The following NEXMIF variants were observed in gnomAD, a reference collection of about 807,000 sequenced individuals.
The protein encoded by NEXMIF is XLMR protein related to neurite extension.
Under a neutral mutation model 62.1 loss-of-function variants are expected in NEXMIF, and 8 were observed. That is an observed-to-expected ratio of 0.13 (90% CI 0.08 to 0.23). The LOEUF is 0.23. Among genes scored for constraint, NEXMIF ranks in the 10% least tolerant of loss-of-function variants. The pLI, the probability that NEXMIF is intolerant of heterozygous loss-of-function variation, is 1.00. For missense variants in NEXMIF, 976 were observed against 1,113.3 expected, an observed-to-expected ratio of 0.88 and a Z score of 1.75; for synonymous variants, 404 against 416.6, an observed-to-expected ratio of 0.97 and a Z score of 0.37.
At position 74,739,408 on chromosome X, in the gene NEXMIF, A is replaced by G; in HGVS notation, c.4548T>C (p.Ile1516=). 1 of 1,190,387 alleles carries G rather than the reference A, an allele frequency of 8.4e-7. No individual in the cohort carries two copies. Among genetic ancestry groups the G allele is most frequent in the South Asian group, 1.8e-5 (1 of 54,178 alleles). ...EEETRIFQKD[I] is the part of the protein sequence containing the mutation. ...TGAAAGAAATAAAACACAAACATCA[A>G]ATGTCTTTCTGGAAAATGCGAGTCT... Residue 1516 remains isoleucine, a synonymous_variant, in exon 4 of 4, where the codon ATT becomes ATC. Coordinates refer to ENST00000055682, the MANE Select transcript of NEXMIF (RefSeq NM_001008537.3).
intron 1 of NEXMIF, among the ~76,000 whole-genome samples, chrX:74,860,062 T>G (rs2080551482): frequency 9.0e-6 from 1 of 111,123 alleles, no homozygotes; most frequent in South Asian, 3.8e-4. Flanking sequence ...TGACTGTAAA[T>G]GGACTAATCT....
intron 1 of NEXMIF, among the ~76,000 whole-genome samples, chrX:74,814,111 T>A (rs781080483): frequency 1.3e-4 from 14 of 111,583 alleles, no homozygotes; most frequent in Non-Finnish European, 2.6e-4. Context: ...GAACTGGTAC[T>A]GCCAGGATAT....
chrX:74,874,844 G>T (rs1488381410), intron 1 of NEXMIF, among the ~76,000 whole-genome samples: 1 of 104,191 alleles, frequency 9.6e-6, no homozygotes, highest in Admixed American at 1.1e-4. Flanking sequence ...CATTGATTTT[G>T]TATCCTGAGA....
chrX:74,750,863 C>T (rs1006145463), intron 1 of NEXMIF, among the ~76,000 whole-genome samples: 2 of 111,700 alleles, frequency 1.8e-5, no homozygotes, highest in African/African-American at 6.5e-5. Context: ...TACAGCTACA[C>T]TGTAAAGAAT....
intron 1 of NEXMIF, among the ~76,000 whole-genome samples, chrX:74,799,321 C>T (rs1386468571): frequency 1.8e-5 from 2 of 111,375 alleles, no homozygotes; most frequent in African/African-American, 6.5e-5. Flanking sequence ...CAGTGAGTCC[C>T]CTGACTCATT....
Position 74,744,262 on chromosome X carries a change from T to C in NEXMIF, c.295A>G (p.Ile99Val), listed in dbSNP as rs1354077425. The C allele has an allele frequency of 8.3e-7, 1 of 1,211,394 alleles. No individual in the cohort carries two copies. Among genetic ancestry groups the C allele is most frequent in the Admixed American group, 2.2e-5 (1 of 46,000 alleles). Reference sequence around the variant, plus strand: ...TTTGCAATGCCAGATGTGAGGGAGATGGCATTCACAGAAGCACTATTAGCA... The same window carrying C: ...TTTGCAATGCCAGATGTGAGGGAGACGGCATTCACAGAAGCACTATTAGCA... The part of the protein sequence containing the change: ...HAANSASVNA[I>V]SLTSGIAKGL... Residue 99 changes from isoleucine (I) to valine (V), a missense_variant, in exon 3 of 4, where the codon ATC (isoleucine) becomes GTC (valine). Coordinates refer to ENST00000055682, the MANE Select transcript of NEXMIF (RefSeq NM_001008537.3).
chrX:74,747,368 GA>G (rs1404782671), intron 1 of NEXMIF, among the ~76,000 whole-genome samples: 1 of 111,041 alleles, frequency 9.0e-6, no homozygotes, highest in Non-Finnish European at 1.9e-5. Flanking sequence ...AGAGATCTAT[GA>G]AAAAAACCCC....
At chrX:74,757,760 C>A (rs2080163624) in intron 1 of NEXMIF, among the ~76,000 whole-genome samples, 1 of 111,027 alleles carries the variant, frequency 9.0e-6, no homozygotes, top group African/African-American at 3.3e-5. Flanking sequence ...TTTTCTTTGC[C>A]TTTCTGCCAC....
At chrX:74,869,745 G>A (rs749933869) in intron 1 of NEXMIF, among the ~76,000 whole-genome samples, 1 of 111,233 alleles carries the variant, frequency 9.0e-6, no homozygotes, top group African/African-American at 3.3e-5. Flanking sequence ...AAATACCTAG[G>A]AATTAGCTTA....
intron 1 of NEXMIF, among the ~76,000 whole-genome samples, chrX:74,871,169 G>A (rs757245886): frequency 1.1e-4 from 12 of 111,152 alleles, no homozygotes; most frequent in African/African-American, 2.3e-4. Context: ...AGTGTCGGCC[G>A]GTCTGAGAAA....
At chrX:74,897,000 T>C (rs892231426) in intron 1 of NEXMIF, among the ~76,000 whole-genome samples, 3 of 112,320 alleles carry the variant, frequency 2.7e-5, no homozygotes, top group African/African-American at 6.5e-5. Context: ...TCTACTAGCA[T>C]ACAAAAATGA....
chrX:74,773,908 CAAAAAAAAAAAAAAAAAA>C (rs61514458), intron 1 of NEXMIF, among the ~76,000 whole-genome samples: 1 of 38,082 alleles, frequency 2.6e-5, no homozygotes, highest in African/African-American at 1.1e-4. Flanking sequence ...GACTCCGTCT[CAAAAAAAAAAAAAAAAAA>C]AAAAAAAAAA....
rs1246117718 is a variant in NEXMIF at position 74,739,321 on chromosome X, A to C, written c.*84T>G. 1.6e-6 allele frequency: 1 copy of C among 633,263 alleles called. No individual in the cohort carries two copies. The highest frequency in any genetic ancestry group is 3.9e-5 in the East Asian group (1 of 25,888). The allele number at this position is 633,263 out of a possible 1,213,427, so 52.2% of individuals were successfully genotyped here. The stretch of plus-strand genomic sequence containing the variant: ...AAGTTTGCTCCAAAGACGTATTCCC[A>C]CAATTTAAAATTCTTTTCTTTAAGC... On this transcript the variant is annotated 3_prime_UTR_variant, in exon 4 of 4. Coordinates refer to ENST00000055682, the MANE Select transcript of NEXMIF (RefSeq NM_001008537.3).
intron 1 of NEXMIF, among the ~76,000 whole-genome samples, chrX:74,763,418 T>C (rs775679805): frequency 8.9e-6 from 1 of 112,033 alleles, no homozygotes; most frequent in East Asian, 2.8e-4. Flanking sequence ...CCAGCTTTGT[T>C]CTTTTGGCTT....
At chrX:74,891,931 G>A (rs971935556) in intron 1 of NEXMIF, among the ~76,000 whole-genome samples, 1 of 112,435 alleles carries the variant, frequency 8.9e-6, no homozygotes, top group Non-Finnish European at 1.9e-5. Flanking sequence ...GAATACAACA[G>A]AGAAATGTGG....
intron 1 of NEXMIF, among the ~76,000 whole-genome samples, chrX:74,762,754 A>T (rs1200854433): frequency 9.0e-6 from 1 of 111,580 alleles, no homozygotes; most frequent in African/African-American, 3.3e-5. Context: ...TGGCTGCATA[A>T]ATGTCTTCTT....
intron 1 of NEXMIF, among the ~76,000 whole-genome samples, chrX:74,772,840 T>C (rs931070908): frequency 2.7e-5 from 3 of 112,015 alleles, no homozygotes; most frequent in African/African-American, 9.7e-5. Flanking sequence ...CTTATCCAGC[T>C]TCTTATTCAA....
chrX:74,779,465 T>C (rs1327547235), intron 1 of NEXMIF, among the ~76,000 whole-genome samples: 1 of 112,056 alleles, frequency 8.9e-6, no homozygotes, highest in Non-Finnish European at 1.9e-5. Flanking sequence ...GAGTCACCAC[T>C]GCTTACTATA....
rs1428619987 is a variant in NEXMIF at position 74,738,990 on chromosome X, A to AAC, written c.*413_*414dup. ...AGGTAAGAAAATTTGGCACATTTCAAACAGTATCCTTTAATTTTGGTAAAT... is the reference window on the plus strand; with the variant it reads ...AGGTAAGAAAATTTGGCACATTTCAAACACAGTATCCTTTAATTTTGGTAAAT... On this transcript the variant is annotated 3_prime_UTR_variant, in exon 4 of 4. Coordinates refer to ENST00000055682, the MANE Select transcript of NEXMIF (RefSeq NM_001008537.3). 1.8e-5 allele frequency: 2 copies of AAC among 113,916 alleles called. No individual in the cohort carries two copies. Among genetic ancestry groups the AAC allele is most frequent in the Non-Finnish European group, 3.6e-5 (2 of 55,045 alleles). 9.4% of individuals were successfully genotyped at this position (113,916 alleles called of 1,213,427 possible).
Sources: allele counts gnomAD v4.1 joint callset (sites outside exome capture counted in the v4.1 genomes callset), GRCh38; gene constraint gnomAD v4.1.1; transcripts MANE v1.5; gene names NCBI Gene and HGNC (gene_info 2026-07-23, HGNC 2026-07-21).